GSK3B: variants seen among roughly 807,000 people sequenced by gnomAD.
GSK3B encodes the protein glycogen synthase kinase 3 beta.
Under a neutral mutation model 56.4 loss-of-function variants are expected in GSK3B, and 15 were observed. The ratio of observed to expected loss-of-function variants is 0.27; its 90% CI spans 0.18 to 0.41. The LOEUF (loss-of-function observed/expected upper bound fraction) is 0.41, where lower values mean the gene tolerates loss of function less well. GSK3B is among the 10% of genes least tolerant of loss of function. The pLI, the probability that GSK3B is intolerant of heterozygous loss-of-function variation, is 1.00. For synonymous variants in GSK3B, 181 were observed against 188.9 expected (o/e 0.96, Z 0.34); for missense variants, 300 against 513.4 (o/e 0.58, Z 4.02).
chr3:120,029,040 A>G, intron 1 of GSK3B: 1 of 667,814 alleles, frequency 1.5e-6, no homozygotes, highest in East Asian at 2.7e-5. Context: ...TAAAATCTTT[A>G]TTTTTTACTG....
Position 120,059,483 on chromosome 3 carries a change from C to A in GSK3B, c.88+33864G>T, listed in dbSNP as rs1372345528. ...CACACAAAGCTGTGGTGCTAATTAA[C>A]ATTCAACAACAGTTTTGATTCCAAA... On this transcript the variant is annotated intron_variant, in intron 1 of 10. Transcript: ENST00000264235. 5.3e-5 allele frequency among the ~76,000 whole-genome samples: 8 copies of A among 152,322 alleles called. 1 individual carries two copies. The East Asian group carries it at 1.5e-3, about 29-fold the overall frequency.
chr3:120,057,022 G>C (rs544915195), intron 1 of GSK3B, among the ~76,000 whole-genome samples: 170 of 152,266 alleles, frequency 1.1e-3, no homozygotes, highest in South Asian at 4.6e-3. Context: ...GCTCATGCCT[G>C]TGGTCCCAGC....
At chr3:120,000,280 T>C (rs1232550361) in intron 2 of GSK3B, among the ~76,000 whole-genome samples, 1 of 152,220 alleles carries the variant, frequency 6.6e-6, no homozygotes, top group African/African-American at 2.4e-5. Flanking sequence ...GAGATTTCCA[T>C]TGAGTCTTAA....
intron 1 of GSK3B, among the ~76,000 whole-genome samples, chr3:120,070,277 A>G (rs2058316189): frequency 6.6e-6 from 1 of 150,870 alleles, no homozygotes; most frequent in Non-Finnish European, 1.5e-5. Flanking sequence ...AACAGTTTAA[A>G]TAAAAAAAAA....
intron 1 of GSK3B, chr3:120,029,030 T>C: frequency 1.5e-6 from 1 of 656,364 alleles, no homozygotes; most frequent in Non-Finnish European, 2.8e-6. Context: ...GGGACTCTCA[T>C]AAAATCTTTA....
At chr3:119,834,054 T>A (rs2055649252) in intron 10 of GSK3B, among the ~76,000 whole-genome samples, 1 of 152,154 alleles carries the variant, frequency 6.6e-6, no homozygotes, top group Non-Finnish European at 1.5e-5. Context: ...TAACAATCTC[T>A]TCCAAGCACA....
At chr3:119,950,177 G>A (rs1559849509) in intron 2 of GSK3B, among the ~76,000 whole-genome samples, 2 of 152,200 alleles carry the variant, frequency 1.3e-5, no homozygotes, top group Non-Finnish European at 2.9e-5. Context: ...GAAAAACTGA[G>A]TGATGATTTA....
At chr3:119,945,058 AG>A (rs2057086751) in intron 3 of GSK3B, among the ~76,000 whole-genome samples, 1 of 152,222 alleles carries the variant, frequency 6.6e-6, no homozygotes, top group Non-Finnish European at 1.5e-5. Flanking sequence ...GATCTCCTGA[AG>A]GATATCTTAG....
At chr3:119,903,122 T>C (rs1350003334) in intron 7 of GSK3B, among the ~76,000 whole-genome samples, 1 of 152,166 alleles carries the variant, frequency 6.6e-6, no homozygotes, top group Non-Finnish European at 1.5e-5. Flanking sequence ...ATATACACAC[T>C]TGCACAAAAT....
chr3:119,995,539 A>G (rs2057608044), intron 2 of GSK3B, among the ~76,000 whole-genome samples: 1 of 151,064 alleles, frequency 6.6e-6, no homozygotes, highest in African/African-American at 2.4e-5. Context: ...ATCTCAGCTC[A>G]CTGCAACCTC....
At chr3:119,949,870 G>A (rs1284780896) in intron 2 of GSK3B, among the ~76,000 whole-genome samples, 5 of 149,636 alleles carry the variant, frequency 3.3e-5, no homozygotes, top group East Asian at 3.9e-4. Context: ...CAAGAGTTTC[G>A]TTTTTTATCT....
chr3:119,873,332 CTTT>C (rs78747347), intron 8 of GSK3B, among the ~76,000 whole-genome samples: 1 of 145,034 alleles, frequency 6.9e-6, no homozygotes, highest in African/African-American at 2.5e-5. Flanking sequence ...TTTCTGTCTA[CTTT>C]TTTTTTTTTT....
chr3:120,057,986 G>T (rs76423217), intron 1 of GSK3B, among the ~76,000 whole-genome samples: 2,403 of 151,998 alleles, frequency 0.016, 62 homozygotes, highest in African/African-American at 0.055. Flanking sequence ...CCCTATCCCA[G>T]CTATATTTTC....
intron 1 of GSK3B, among the ~76,000 whole-genome samples, chr3:120,010,985 T>C (rs945675139): frequency 3.3e-5 from 5 of 152,148 alleles, no homozygotes; most frequent in Admixed American, 6.5e-5. Flanking sequence ...CAAGAATCCC[T>C]TGAACCCAGG....
chr3:119,828,383 G>A (rs146617749), intron 10 of GSK3B, among the ~76,000 whole-genome samples: 47 of 152,252 alleles, frequency 3.1e-4, no homozygotes, highest in Admixed American at 2.0e-3. Context: ...AGGTACTGCT[G>A]GCCAAATTTT....
chr3:119,922,338 TTATA>T (rs2056851657), intron 4 of GSK3B, among the ~76,000 whole-genome samples: 2 of 148,044 alleles, frequency 1.4e-5, no homozygotes, highest in Middle Eastern at 3.6e-3. Flanking sequence ...TATATATACT[TTATA>T]TATAAATATA....
chr3:119,833,687 G>GTTTTT (rs1162358136), intron 10 of GSK3B, among the ~76,000 whole-genome samples: 2 of 133,460 alleles, frequency 1.5e-5, no homozygotes, highest in African/African-American at 5.9e-5. Flanking sequence ...GAAACATTAG[G>GTTTTT]TTGTTTTTTT....
intron 6 of GSK3B, among the ~76,000 whole-genome samples, chr3:119,907,308 T>C (rs1044991360): frequency 3.9e-5 from 6 of 151,994 alleles, no homozygotes; most frequent in Non-Finnish European, 8.8e-5. Context: ...TAAAAAACAA[T>C]AGGAAACACT....
At chr3:119,965,326 A>C (rs1432577452) in intron 2 of GSK3B, among the ~76,000 whole-genome samples, 1 of 151,070 alleles carries the variant, frequency 6.6e-6, no homozygotes, top group Non-Finnish European at 1.5e-5. Flanking sequence ...AGCCTCCCGA[A>C]GTGCTGAGAC....
Sources: gnomAD v4.1 joint callset for allele counts (sites outside exome capture counted in the v4.1 genomes callset) on GRCh38, gnomAD v4.1.1 for gene constraint, MANE v1.5 for transcripts, NCBI Gene and HGNC (gene_info 2026-07-23, HGNC 2026-07-21) for gene names.